The following PRTFDC1 variants were observed in gnomAD, a reference collection of about 807,000 sequenced individuals.
PRTFDC1 encodes phosphoribosyltransferase domain-containing protein 1.
Under a neutral mutation model 34.6 loss-of-function variants are expected in PRTFDC1, and 38 were observed. The ratio of observed to expected loss-of-function variants is 1.10; its 90% CI spans 0.85 to 1.44. PRTFDC1 has a LOEUF of 1.44. Among genes scored for constraint, PRTFDC1 ranks in the 40% most tolerant of loss-of-function variants. The pLI is 0.00. For synonymous variants in PRTFDC1, 93 were observed against 98.1 expected (o/e 0.95, Z 0.31); for missense variants, 270 against 283.0 (o/e 0.95, Z 0.33).
intron 3 of PRTFDC1, among the ~76,000 whole-genome samples, chr10:24,926,788 T>C (rs1177569126): frequency 6.6e-6 from 1 of 152,176 alleles, no homozygotes; most frequent in African/African-American, 2.4e-5. Flanking sequence ...CCCCAGCCTG[T>C]TGCAGTCAGC....
chr10:24,944,377 G>A (rs767904741), intron 1 of PRTFDC1, among the ~76,000 whole-genome samples: 1 of 152,014 alleles, frequency 6.6e-6, no homozygotes, highest in African/African-American at 2.4e-5. Flanking sequence ...CCACCCCCAG[G>A]CCAGTCCATT....
At chr10:24,873,894 T>C (rs928890012) in intron 3 of PRTFDC1, among the ~76,000 whole-genome samples, 3 of 151,298 alleles carry the variant, frequency 2.0e-5, no homozygotes, top group African/African-American at 7.3e-5. Flanking sequence ...AAAAAAGACC[T>C]TATAATTTTT....
chr10:24,899,489 C>G (rs1848418125), intron 3 of PRTFDC1, among the ~76,000 whole-genome samples: 1 of 152,090 alleles, frequency 6.6e-6, no homozygotes, highest in African/African-American at 2.4e-5. Flanking sequence ...ACAGAATGAC[C>G]TGCCACCTCT....
intron 3 of PRTFDC1, among the ~76,000 whole-genome samples, chr10:24,909,897 T>A (rs1443431183): frequency 6.6e-6 from 1 of 151,646 alleles, no homozygotes; most frequent in Non-Finnish European, 1.5e-5. Context: ...ATGCCTATAA[T>A]CCCAGCACTT....
intron 3 of PRTFDC1, chr10:24,908,655 A>T (rs1243688751): frequency 6.2e-7 from 1 of 1,610,882 alleles, no homozygotes; most frequent in Non-Finnish European, 8.5e-7. Context: ...CCTCTATCAC[A>T]GATGGTTGTC....
At chr10:24,896,177 G>T (rs951275051) in intron 3 of PRTFDC1, among the ~76,000 whole-genome samples, 1 of 152,206 alleles carries the variant, frequency 6.6e-6, no homozygotes, top group Non-Finnish European at 1.5e-5. Flanking sequence ...ACAGCAGGAG[G>T]TGAGTGGCAG....
intron 3 of PRTFDC1, among the ~76,000 whole-genome samples, chr10:24,879,959 A>G (rs1372805219): frequency 2.0e-5 from 3 of 152,274 alleles, no homozygotes; most frequent in Middle Eastern, 3.4e-3. Flanking sequence ...GTGGAGACCA[A>G]GCGAACAGGC....
chr10:24,909,521 C>T (rs1369383072), intron 3 of PRTFDC1, among the ~76,000 whole-genome samples: 1 of 152,160 alleles, frequency 6.6e-6, no homozygotes, highest in Non-Finnish European at 1.5e-5. Context: ...AGCAGAATCA[C>T]TGATGCAGAG....
chr10:24,910,953 T>G (rs1191594502), intron 3 of PRTFDC1, among the ~76,000 whole-genome samples: 2 of 151,710 alleles, frequency 1.3e-5, no homozygotes, highest in African/African-American at 4.8e-5. Context: ...CACCTTAGCA[T>G]CCCCAGCAGC....
intron 3 of PRTFDC1, 49 bp downstream of exon 3, chr10:24,937,135 A>G (rs1265008923): frequency 6.9e-7 from 1 of 1,458,468 alleles, no homozygotes; most frequent in Admixed American, 1.9e-5. Context: ...CTTTTATCCT[A>G]AAGCATTGTT....
chr10:24,872,808 T>A (rs7088150), intron 3 of PRTFDC1, among the ~76,000 whole-genome samples: 14,875 of 63,668 alleles, frequency 0.23, 677 homozygotes, highest in Non-Finnish European at 0.25. Flanking sequence ...ATATATATAT[T>A]TTTTTTTTTT....
intron 3 of PRTFDC1, among the ~76,000 whole-genome samples, chr10:24,881,751 C>T (rs1848082562): frequency 6.6e-6 from 1 of 152,146 alleles, no homozygotes; most frequent in African/African-American, 2.4e-5. Flanking sequence ...CAATTCCTTG[C>T]AACCCCTCTC....
intron 1 of PRTFDC1, chr10:24,951,478 A>T: frequency 2.5e-6 from 2 of 786,896 alleles, no homozygotes; most frequent in Non-Finnish European, 3.1e-6. Flanking sequence ...CTGTTAAATT[A>T]AGCACTGAGC....
At chr10:24,852,141 A>G (rs2132484977) in intron 7 of PRTFDC1, among the ~76,000 whole-genome samples, 1 of 152,230 alleles carries the variant, frequency 6.6e-6, no homozygotes, top group South Asian at 2.1e-4. Flanking sequence ...ATGAAAAGCA[A>G]AAGAAGATTC....
chr10:24,951,470 G>T, intron 1 of PRTFDC1: 1 of 744,092 alleles, frequency 1.3e-6, no homozygotes, highest in Non-Finnish European at 1.6e-6. Flanking sequence ...AGGTCCTGCT[G>T]TTAAATTAAG....
At chr10:24,938,551 C>T (rs1358009622) in intron 2 of PRTFDC1, among the ~76,000 whole-genome samples, 1 of 152,204 alleles carries the variant, frequency 6.6e-6, no homozygotes, top group Non-Finnish European at 1.5e-5. Flanking sequence ...TGATAGGGAA[C>T]ACTGTAAGCT....
chr10:24,892,642 A>C (rs1447477791), intron 3 of PRTFDC1, among the ~76,000 whole-genome samples: 1 of 152,150 alleles, frequency 6.6e-6, no homozygotes, highest in African/African-American at 2.4e-5. Flanking sequence ...GTCTGCAGTC[A>C]CATATTTCTC....
chr10:24,856,343 T>G (rs1467602846), intron 6 of PRTFDC1, among the ~76,000 whole-genome samples: 1 of 151,248 alleles, frequency 6.6e-6, no homozygotes, highest in Non-Finnish European at 1.5e-5. Context: ...TCCTAGCACT[T>G]TGGGAGGCTG....
At chr10:24,949,746 T>A (rs865780909) in intron 1 of PRTFDC1, among the ~76,000 whole-genome samples, 7 of 141,892 alleles carry the variant, frequency 4.9e-5, no homozygotes, top group East Asian at 2.1e-4. Flanking sequence ...TTTATTTTTT[T>A]TTTTTTTTTT....
Sources: gnomAD v4.1 joint callset for allele counts (sites outside exome capture counted in the v4.1 genomes callset) on GRCh38, gnomAD v4.1.1 for gene constraint, MANE v1.5 for transcripts, NCBI Gene and HGNC (gene_info 2026-07-23, HGNC 2026-07-21) for gene names.